TPD52: variants seen among roughly 807,000 people sequenced by gnomAD.
The protein encoded by TPD52 is tumor protein D52, also known as prostate and colon associated protein.
Under a neutral mutation model 31.3 loss-of-function variants are expected in TPD52, and 17 were observed. The ratio of observed to expected loss-of-function variants is 0.54; its 90% CI spans 0.37 to 0.82. The LOEUF is 0.82. TPD52 is among the 40% of genes least tolerant of loss of function. The probability of loss-of-function intolerance (pLI) is 0.00; values close to 1 mark genes in which losing one functional copy is unlikely to be tolerated. For missense variants in TPD52, 212 were observed against 240.1 expected, an observed-to-expected ratio of 0.88 and a Z score of 0.77; for synonymous variants, 83 against 89.6, an observed-to-expected ratio of 0.93 and a Z score of 0.42.
At chr8:80,169,777 C>T (rs1586440277) in intron 1 of TPD52, among the ~76,000 whole-genome samples, 1 of 152,226 alleles carries the variant, frequency 6.6e-6, no homozygotes, top group African/African-American at 2.4e-5. Flanking sequence ...TGCTGACTTA[C>T]ATGGTGGCCC....
intron 1 of TPD52, among the ~76,000 whole-genome samples, chr8:80,101,789 T>C (rs1471190620): frequency 6.6e-6 from 1 of 152,136 alleles, no homozygotes; most frequent in African/African-American, 2.4e-5. Flanking sequence ...AAGTCATTCA[T>C]GAAGGATCCC....
At chr8:80,042,536 T>C (rs762115228) in intron 7 of TPD52, 84 bp downstream of exon 7, 9 of 1,545,188 alleles carry the variant, frequency 5.8e-6, no homozygotes, top group East Asian at 2.3e-5. Flanking sequence ...GAAAGAAATA[T>C]TAATGTCAAT....
At chr8:80,156,611 G>A (rs55729355) in intron 1 of TPD52, among the ~76,000 whole-genome samples, 4,279 of 152,222 alleles carry the variant, frequency 0.028, 191 homozygotes, top group African/African-American at 0.096. Context: ...ACCTGAGGAC[G>A]TGTGATATTT....
At chr8:80,100,735 T>A (rs1227557579) in intron 1 of TPD52, among the ~76,000 whole-genome samples, 1 of 152,230 alleles carries the variant, frequency 6.6e-6, no homozygotes, top group Non-Finnish European at 1.5e-5. Flanking sequence ...AGTTCAAGCC[T>A]GGGTCCAAAG....
intron 7 of TPD52, chr8:80,042,408 A>G (rs1304101241): frequency 1.0e-6 from 1 of 985,378 alleles, no homozygotes; most frequent in Non-Finnish European, 1.2e-6. Flanking sequence ...ATTTCCTTTC[A>G]GCATGTGGCA....
At chr8:80,107,229 ATC>A (rs1807198038) in intron 1 of TPD52, among the ~76,000 whole-genome samples, 1 of 152,216 alleles carries the variant, frequency 6.6e-6, no homozygotes, top group Non-Finnish European at 1.5e-5. Context: ...AGAAAAATGA[ATC>A]TGTTACTAAT....
chr8:80,093,981 A>G (rs1247942292), intron 1 of TPD52, among the ~76,000 whole-genome samples: 1 of 152,224 alleles, frequency 6.6e-6, no homozygotes, highest in Non-Finnish European at 1.5e-5. Flanking sequence ...GACTGAAGAC[A>G]TGAGATTTTT....
intron 1 of TPD52, among the ~76,000 whole-genome samples, chr8:80,166,957 G>A (rs1811758006): frequency 6.6e-6 from 1 of 152,094 alleles, no homozygotes; most frequent in Non-Finnish European, 1.5e-5. Flanking sequence ...ACATGAACAG[G>A]TATAAATTAA....
At position 80,126,691 on chromosome 8, in the gene TPD52, C is replaced by T. The variant is rs114522192; in HGVS notation, c.19+44734G>A. Among the ~76,000 whole-genome samples, 395 of 152,020 alleles carry T rather than the reference C, an allele frequency of 2.6e-3. 2 individuals are homozygous for T. The highest frequency in any genetic ancestry group is 9.0e-3 in the African/African-American group (373 of 41,460). ...AAAGATGGGGTTTCACCACGTTGAC[C>T]GGGCTGGTCTTGAACTCCTGACATC... On this transcript the variant is annotated intron_variant, in intron 1 of 7. Transcript: ENST00000518937.
chr8:80,144,176 G>A (rs559413276), intron 1 of TPD52, among the ~76,000 whole-genome samples: 2 of 152,082 alleles, frequency 1.3e-5, no homozygotes, highest in Admixed American at 6.5e-5. Context: ...GTAATATTTT[G>A]TAATATTACA....
At chr8:80,040,178 C>T (rs918797091) in intron 7 of TPD52, among the ~76,000 whole-genome samples, 7 of 146,292 alleles carry the variant, frequency 4.8e-5, no homozygotes, top group Non-Finnish European at 9.0e-5. Flanking sequence ...CTGTTTAATA[C>T]GCTATCCTTT....
chr8:80,133,727 C>A (rs1809189501), intron 1 of TPD52, among the ~76,000 whole-genome samples: 1 of 146,328 alleles, frequency 6.8e-6, no homozygotes, highest in African/African-American at 2.6e-5. Context: ...TCGATTTCAT[C>A]AAGTTCAAGA....
intron 1 of TPD52, among the ~76,000 whole-genome samples, chr8:80,140,808 G>A (rs1809776358): frequency 6.6e-6 from 1 of 152,144 alleles, no homozygotes; most frequent in Non-Finnish European, 1.5e-5. Context: ...TTAGCAACAG[G>A]AAAACGATGG....
At chr8:80,102,303 C>T (rs1259169921) in intron 1 of TPD52, among the ~76,000 whole-genome samples, 1 of 152,194 alleles carries the variant, frequency 6.6e-6, no homozygotes, top group African/African-American at 2.4e-5. Context: ...TACTGAGGAG[C>T]CTTTTTCTCC....
At chr8:80,122,269 G>T (rs1345556425) in intron 1 of TPD52, among the ~76,000 whole-genome samples, 1 of 152,138 alleles carries the variant, frequency 6.6e-6, no homozygotes, top group Non-Finnish European at 1.5e-5. Context: ...TGGATAAAGG[G>T]CAGAATGAGT....
intron 1 of TPD52, among the ~76,000 whole-genome samples, chr8:80,096,229 C>A (rs566731150): frequency 6.6e-6 from 1 of 152,106 alleles, no homozygotes; most frequent in Non-Finnish European, 1.5e-5. Context: ...GTACTCCAGC[C>A]TGAGTGACAA....
rs529040323 is a variant in TPD52, at chr8:80,086,951, T to C, written c.20-22358A>G. ...TGACAACTGTGGTGAGAATATTGCC[T>C]TTCTTAGGCAATGGCAATATATACT... is the stretch of plus-strand genomic sequence containing the variant. On this transcript the variant is annotated intron_variant, in intron 1 of 7. Transcript: ENST00000518937. 7.3e-5 allele frequency among the ~76,000 whole-genome samples: 11 copies of C among 150,790 alleles called. No homozygotes were observed. In the East Asian group the frequency reaches 1.2e-3, roughly 16 times the overall value.
chr8:80,169,659 T>G (rs1811946985), intron 1 of TPD52, among the ~76,000 whole-genome samples: 2 of 152,226 alleles, frequency 1.3e-5, no homozygotes, highest in African/African-American at 4.8e-5. Context: ...AACATCATTA[T>G]GTCAAACGAC....
At chr8:80,080,543 G>A (rs1183985817) in intron 1 of TPD52, 53 of 1,513,792 alleles carry the variant, frequency 3.5e-5, no homozygotes, top group Middle Eastern at 1.8e-4. Context: ...TTTGTAGGGT[G>A]CAACTTCACT....
Sources: allele counts gnomAD v4.1 joint callset (sites outside exome capture counted in the v4.1 genomes callset), GRCh38; gene constraint gnomAD v4.1.1; transcripts MANE v1.5; gene names NCBI Gene and HGNC (gene_info 2026-07-23, HGNC 2026-07-21).